The following TRAPPC9 variants were observed in gnomAD, a reference collection of about 807,000 sequenced individuals.
TRAPPC9 encodes trafficking protein particle complex subunit 9, also known as IKK2 binding protein.
A neutral mutation model predicts 124.0 loss-of-function variants in TRAPPC9; 83 were observed. The observed-to-expected ratio is 0.67, with a 90% CI of 0.56 to 0.80. TRAPPC9 has a LOEUF of 0.80. TRAPPC9 is among the 30% of genes least tolerant of loss of function. The pLI, the probability that TRAPPC9 is intolerant of heterozygous loss-of-function variation, is 0.00. For missense variants in TRAPPC9, 1,302 were observed against 1,508.3 expected, an observed-to-expected ratio of 0.86 and a Z score of 2.27; for synonymous variants, 638 against 617.5, an observed-to-expected ratio of 1.03 and a Z score of -0.49.
At chr8:140,343,251 G>C (rs1290828604) in intron 9 of TRAPPC9, among the ~76,000 whole-genome samples, 1 of 152,240 alleles carries the variant, frequency 6.6e-6, no homozygotes, top group African/African-American at 2.4e-5. Context: ...GAGCCCAGCA[G>C]TGCTGGGCTG....
chr8:139,759,344 A>G (rs1247559679), intron 21 of TRAPPC9, among the ~76,000 whole-genome samples: 3 of 152,086 alleles, frequency 2.0e-5, no homozygotes, highest in African/African-American at 7.2e-5. Context: ...GGCTCTTTAC[A>G]TACATGGTCC....
chr8:139,945,562 A>AAAAAAAAAAAAAC, intron 19 of TRAPPC9, among the ~76,000 whole-genome samples: 1 of 149,254 alleles, frequency 6.7e-6, no homozygotes, highest in Non-Finnish European at 1.5e-5. Flanking sequence ...AAAAAAAAAA[A>AAAAAAAAAAAAAC]AAAAAAAAAA....
At chr8:139,735,691 A>C (rs1395165626) in intron 21 of TRAPPC9, among the ~76,000 whole-genome samples, 3 of 150,496 alleles carry the variant, frequency 2.0e-5, no homozygotes, top group African/African-American at 7.3e-5. Flanking sequence ...GTTTTTTTGC[A>C]GAGAACTGTG....
chr8:139,907,406 G>GCAATCTTTGGTCTTTCCATCTGCTTGA lies in TRAPPC9; in HGVS notation c.2964+2740_2964+2741insTCAAGCAGATGGAAAGACCAAAGATTG, dbSNP rs1831428364. On this transcript the variant is annotated intron_variant, in intron 20 of 22. Transcript: ENST00000438773. This position sits in a 1 kb window ranked among gnomAD's most constrained non-coding sequence, Gnocchi z 4.7. ...ATTAAAATGCATAATGAAATTATTA[G>GCAATCTTTGGTCTTTCCATCTGCTTGA]CCAATTCAATCTTTGGTCTTTCCAT... is the stretch of plus-strand genomic sequence containing the variant. Among the ~76,000 whole-genome samples the GCAATCTTTGGTCTTTCCATCTGCTTGA allele has an allele frequency of 6.6e-6, 1 of 152,114 alleles. No individual in the cohort carries two copies. Among genetic ancestry groups the GCAATCTTTGGTCTTTCCATCTGCTTGA allele is most frequent in the African/African-American group, 2.4e-5 (1 of 41,406 alleles).
At chr8:140,286,067 G>C (rs1331529425) in intron 13 of TRAPPC9, among the ~76,000 whole-genome samples, 1 of 152,222 alleles carries the variant, frequency 6.6e-6, no homozygotes, top group Non-Finnish European at 1.5e-5. Flanking sequence ...ACCGCACAGG[G>C]GCCTAGGCCA....
intron 19 of TRAPPC9, among the ~76,000 whole-genome samples, chr8:139,968,316 T>C (rs1418682717): frequency 6.6e-6 from 1 of 152,198 alleles, no homozygotes; most frequent in Non-Finnish European, 1.5e-5. Flanking sequence ...TGTGTCCCCA[T>C]GTCTCCAGCA....
chr8:139,756,960 C>T (rs544571856), intron 21 of TRAPPC9, among the ~76,000 whole-genome samples: 14 of 126,164 alleles, frequency 1.1e-4, no homozygotes, highest in African/African-American at 2.5e-4. Context: ...GACAGCAGGT[C>T]GCAGGAGAAG....
chr8:139,815,749 T>C (rs1378074852), intron 21 of TRAPPC9, among the ~76,000 whole-genome samples: 1 of 152,246 alleles, frequency 6.6e-6, no homozygotes, highest in East Asian at 1.9e-4. Flanking sequence ...GGGACTGTGC[T>C]ACCTACGGAC....
chr8:139,814,898 G>A (rs939591260), intron 21 of TRAPPC9, among the ~76,000 whole-genome samples: 3 of 152,206 alleles, frequency 2.0e-5, no homozygotes, highest in Admixed American at 1.3e-4. Flanking sequence ...TCTGGAAAAC[G>A]ATGCTGCTAG....
At chr8:140,347,512 C>T (rs1324158407) in intron 9 of TRAPPC9, among the ~76,000 whole-genome samples, 2 of 152,214 alleles carry the variant, frequency 1.3e-5, no homozygotes, top group South Asian at 4.1e-4. Context: ...CTCAGCCTGC[C>T]TAGCCCAGTT....
intron 18 of TRAPPC9, among the ~76,000 whole-genome samples, chr8:139,991,023 A>G (rs1214971165): frequency 3.9e-5 from 6 of 152,196 alleles, no homozygotes; most frequent in Non-Finnish European, 8.8e-5. Context: ...GAAAACATTC[A>G]TTAGCTCTGA....
In TRAPPC9 at chr8:139,976,180, C is replaced by T. The variant is rs559255464; in HGVS notation, c.2810+12546G>A. Reference sequence around the variant, plus strand: ...TGCTGGGATTACAGGCGTGAGCCACCGCGCCTGGCCAGGGTTTTTTTTAAC... The same window carrying T: ...TGCTGGGATTACAGGCGTGAGCCACTGCGCCTGGCCAGGGTTTTTTTTAAC... On this transcript the variant is annotated intron_variant, in intron 19 of 22. Coordinates refer to ENST00000438773, the MANE Select transcript of TRAPPC9 (RefSeq NM_001160372.4). 2.6e-5 allele frequency among the ~76,000 whole-genome samples: 4 copies of T among 152,102 alleles called. No homozygotes were observed. In the South Asian group the frequency reaches 6.2e-4, roughly 24 times the overall value.
At chr8:139,884,774 T>A (rs1829893052) in intron 21 of TRAPPC9, among the ~76,000 whole-genome samples, 1 of 152,094 alleles carries the variant, frequency 6.6e-6, no homozygotes, top group Admixed American at 6.5e-5. Flanking sequence ...TTCCTGCCAC[T>A]CAGGCTGGCT....
intron 17 of TRAPPC9, 62 bp downstream of exon 17, chr8:140,221,397 A>C: frequency 6.2e-7 from 1 of 1,609,966 alleles, no homozygotes; most frequent in African/African-American, 1.3e-5. Context: ...GCTGTGCTTC[A>C]GAAACGGCTT....
chr8:139,898,842 G>A (rs983863184), intron 20 of TRAPPC9, among the ~76,000 whole-genome samples: 3 of 152,064 alleles, frequency 2.0e-5, no homozygotes, highest in Non-Finnish European at 2.9e-5. Context: ...GAAACAGGCC[G>A]GGTGCAGTGG....
chr8:140,294,350 C>T (rs561935914), intron 11 of TRAPPC9, among the ~76,000 whole-genome samples: 2 of 152,146 alleles, frequency 1.3e-5, no homozygotes, highest in Non-Finnish European at 2.9e-5. Flanking sequence ...CCAGCCTGCC[C>T]GGGGCCACTG....
intron 17 of TRAPPC9, among the ~76,000 whole-genome samples, chr8:140,131,924 G>A (rs947104280): frequency 3.3e-5 from 5 of 152,182 alleles, no homozygotes; most frequent in South Asian, 2.1e-4. Context: ...CCAGGGGACC[G>A]AGGGGACCGC....
rs1051301817 is a variant in TRAPPC9 at position 140,355,704 on chromosome 8, G to C, written c.1495+4346C>G. Among the ~76,000 whole-genome samples, 3 of 152,362 alleles carry C rather than the reference G, an allele frequency of 2.0e-5. No individual in the cohort carries two copies. The East Asian group carries it at 5.8e-4, about 29-fold the overall frequency. ...TGGCCAGTCGTGACCATGTGAGGGA[G>C]ACAAGCAGTCTAATGGGCGAGCCAC... On this transcript the variant is annotated intron_variant, in intron 9 of 22. Coordinates refer to ENST00000438773, the MANE Select transcript of TRAPPC9 (RefSeq NM_001160372.4).
intron 13 of TRAPPC9, among the ~76,000 whole-genome samples, chr8:140,287,387 C>T (rs1213633410): frequency 6.6e-6 from 1 of 152,086 alleles, no homozygotes; most frequent in African/African-American, 2.4e-5. Flanking sequence ...GGAGGAGGGG[C>T]ATGGGCAGTG....
Sources: gnomAD v4.1 joint callset for allele counts (sites outside exome capture counted in the v4.1 genomes callset) on GRCh38, gnomAD v4.1.1 for gene constraint, Gnocchi (gnomAD v3.1) non-coding constraint, MANE v1.5 for transcripts, NCBI Gene and HGNC (gene_info 2026-07-23, HGNC 2026-07-21) for gene names.